The following GBE1 variants were observed in gnomAD, a reference collection of about 807,000 sequenced individuals.
GBE1 encodes the protein 1,4-alpha-glucan-branching enzyme.
In GBE1, 70 loss-of-function variants were observed where a neutral mutation model predicts 88.8. That is an observed-to-expected ratio of 0.79 (90% CI 0.65 to 0.96). The LOEUF is 0.96. Among genes scored for constraint, GBE1 ranks in the 40% least tolerant of loss-of-function variants. GBE1 has a pLI of 0.00. For missense variants in GBE1, 872 were observed against 871.0 expected (o/e 1.00, Z -0.01); for synonymous variants, 284 against 300.1 (o/e 0.95, Z 0.56).
chr3:81,630,683 G>A (rs2107034056), intron 7 of GBE1, among the ~76,000 whole-genome samples: 1 of 152,168 alleles, frequency 6.6e-6, no homozygotes. Context: ...TGTGCCCTAA[G>A]TGTAAAATAC....
chr3:81,631,973 A>G (rs1182794159), intron 7 of GBE1, among the ~76,000 whole-genome samples: 1 of 151,586 alleles, frequency 6.6e-6, no homozygotes, highest in African/African-American at 2.4e-5. Flanking sequence ...CCCACCCCCC[A>G]ATAGGCCCTG....
At chr3:81,652,476 A>G (rs1704864446) in intron 3 of GBE1, among the ~76,000 whole-genome samples, 1 of 152,178 alleles carries the variant, frequency 6.6e-6, no homozygotes, top group Admixed American at 6.5e-5. Context: ...AGTCATTTCT[A>G]CTAGGGTTGC....
chr3:81,516,526 T>C (rs1449270682), intron 14 of GBE1, among the ~76,000 whole-genome samples: 1 of 151,600 alleles, frequency 6.6e-6, no homozygotes, highest in Non-Finnish European at 1.5e-5. Flanking sequence ...TAATACAACA[T>C]GCACTCTGCA....
chr3:81,677,216 G>C (rs566900394), intron 2 of GBE1, among the ~76,000 whole-genome samples: 7 of 152,250 alleles, frequency 4.6e-5, no homozygotes, highest in South Asian at 2.1e-4. Flanking sequence ...AGATTCCAAT[G>C]TGCTAAAGAG....
intron 1 of GBE1, among the ~76,000 whole-genome samples, chr3:81,721,816 C>T (rs1706039685): frequency 6.6e-6 from 1 of 152,122 alleles, no homozygotes; most frequent in Non-Finnish European, 1.5e-5. Context: ...ATTTCAATAA[C>T]TGATACTGAT....
At chr3:81,686,757 A>G (rs528382828) in intron 2 of GBE1, among the ~76,000 whole-genome samples, 1 of 152,262 alleles carries the variant, frequency 6.6e-6, no homozygotes, top group East Asian at 1.9e-4. Context: ...CTCTGACTCA[A>G]AAATAAAATA....
chr3:81,676,462 T>C (rs1705253272), intron 2 of GBE1, among the ~76,000 whole-genome samples: 1 of 152,096 alleles, frequency 6.6e-6, no homozygotes, highest in African/African-American at 2.4e-5. Flanking sequence ...AGGTAGATTT[T>C]AATTATAAAT....
intron 7 of GBE1, among the ~76,000 whole-genome samples, chr3:81,639,230 T>G (rs753034566): frequency 6.6e-6 from 1 of 152,170 alleles, no homozygotes. Flanking sequence ...CACATATAGC[T>G]AAATACAAGT....
chr3:81,728,358 CA>C (rs1032880563), intron 1 of GBE1, among the ~76,000 whole-genome samples: 1 of 151,940 alleles, frequency 6.6e-6, no homozygotes, highest in Non-Finnish European at 1.5e-5. Context: ...TATAATAATG[CA>C]AAAAATGATA....
At chr3:81,663,355 G>A (rs1474310896) in intron 3 of GBE1, among the ~76,000 whole-genome samples, 1 of 152,204 alleles carries the variant, frequency 6.6e-6, no homozygotes, top group East Asian at 1.9e-4. Context: ...GGAGGACGCG[G>A]AGGGGGCACG....
At chr3:81,597,012 G>C (rs1312609438) in intron 7 of GBE1, among the ~76,000 whole-genome samples, 2 of 151,912 alleles carry the variant, frequency 1.3e-5, no homozygotes, top group Non-Finnish European at 2.9e-5. Flanking sequence ...TTGAGAGAAA[G>C]AGGAGTTATG....
chr3:81,541,468 C>T (rs1703143291), intron 12 of GBE1, among the ~76,000 whole-genome samples: 1 of 149,890 alleles, frequency 6.7e-6, no homozygotes, highest in Non-Finnish European at 1.5e-5. Flanking sequence ...CGCCACCTCG[C>T]CCAAATTCAT....
intron 14 of GBE1, among the ~76,000 whole-genome samples, chr3:81,524,252 C>T (rs1356176608): frequency 6.6e-6 from 1 of 151,814 alleles, no homozygotes; most frequent in Admixed American, 6.6e-5. Context: ...ATCAGTGATG[C>T]TGAGCACCTT....
At chr3:81,586,912 C>T (rs547565250) in intron 9 of GBE1, among the ~76,000 whole-genome samples, 34 of 152,112 alleles carry the variant, frequency 2.2e-4, no homozygotes, top group South Asian at 1.9e-3. Flanking sequence ...CCTCAGCCTC[C>T]CGAATAGCTG....
At chr3:81,537,260 A>G (rs964004628) in intron 12 of GBE1, among the ~76,000 whole-genome samples, 165 bp from the exon 13 acceptor site, 37 of 151,976 alleles carry the variant, frequency 2.4e-4, no homozygotes, top group Admixed American at 1.9e-3. Flanking sequence ...CAAAAATAGC[A>G]CGGTCTAGCA....
chr3:81,536,946 A>G lies in GBE1; in HGVS notation c.1768T>C (p.Leu590=), dbSNP rs1033042780. 3.8e-6 allele frequency: 6 copies of G among 1,583,582 alleles called. No homozygotes were observed. Among genetic ancestry groups the G allele is most frequent in the Non-Finnish European group, 5.1e-6 (6 of 1,167,254 alleles). ...GCAAGCCAACCATATCTTTCTTCCA[A>G]TCTATTCATATCCCTGTCAAAATTA... The part of the protein sequence containing the change: ...LNNFDRDMNR[L]EERYGWLAAP... Residue 590 remains leucine (L), a synonymous_variant, in exon 13 of 16, where the codon TTG becomes CTG. Coordinates refer to ENST00000429644, the MANE Select transcript of GBE1 (RefSeq NM_000158.4).
intron 2 of GBE1, among the ~76,000 whole-genome samples, chr3:81,700,802 A>G (rs1481950988): frequency 6.6e-6 from 1 of 152,186 alleles, no homozygotes; most frequent in Non-Finnish European, 1.5e-5. Flanking sequence ...AGGCATAAAA[A>G]TCAAGGTTTG....
intron 12 of GBE1, among the ~76,000 whole-genome samples, chr3:81,577,459 C>A (rs965455664): frequency 6.6e-6 from 1 of 152,040 alleles, no homozygotes; most frequent in Admixed American, 6.5e-5. Context: ...AAATAAATTT[C>A]TTTTTGTCCA....
chr3:81,551,504 A>G (rs1703271427), intron 12 of GBE1, among the ~76,000 whole-genome samples: 1 of 152,256 alleles, frequency 6.6e-6, no homozygotes, highest in African/African-American at 2.4e-5. Context: ...ACTGAGGTCA[A>G]TGCATATCTG....
Sources: gnomAD v4.1 joint callset for allele counts (sites outside exome capture counted in the v4.1 genomes callset) on GRCh38, gnomAD v4.1.1 for gene constraint, MANE v1.5 for transcripts, NCBI Gene and HGNC (gene_info 2026-07-23, HGNC 2026-07-21) for gene names.